The following CALCR variants were observed in gnomAD, a reference collection of about 807,000 sequenced individuals.
The protein encoded by CALCR is calcitonin receptor.
CALCR carries 47 observed loss-of-function variants against 59.5 expected under a neutral mutation model. The observed-to-expected ratio is 0.79, with a 90% CI of 0.63 to 1.01. CALCR has a LOEUF of 1.01. CALCR is among the 50% of genes least tolerant of loss of function. The pLI, the probability that CALCR is intolerant of heterozygous loss-of-function variation, is 0.00. For synonymous variants in CALCR, 213 were observed against 211.3 expected (o/e 1.01, Z -0.07); for missense variants, 566 against 597.1 (o/e 0.95, Z 0.54).
chr7:93,548,525 C>T (rs1462942856), intron 2 of CALCR, among the ~76,000 whole-genome samples: 1 of 151,958 alleles, frequency 6.6e-6, no homozygotes, highest in African/African-American at 2.4e-5. Context: ...CCAATTTCAC[C>T]TACTTTTAAA....
rs746224953 is a variant in CALCR, at chr7:93,564,521, C to T, written c.-27+9768G>A. 8.5e-5 allele frequency among the ~76,000 whole-genome samples: 13 copies of T among 152,098 alleles called. No individual in the cohort carries two copies. The South Asian group carries it at 1.0e-3, about 12-fold the overall frequency. ...AGGATGGAGTGCAATGGCACTATCT[C>T]GGCTCACTGCAACCTCTGCCTCCCG... On this transcript the variant is annotated intron_variant, in intron 2 of 13. Transcript: ENST00000426151.
intron 2 of CALCR, among the ~76,000 whole-genome samples, chr7:93,525,036 T>G (rs1801847849): frequency 6.6e-6 from 1 of 152,186 alleles, no homozygotes; most frequent in Non-Finnish European, 1.5e-5. Context: ...TACAAAATAC[T>G]TCATAATTAT....
intron 2 of CALCR, among the ~76,000 whole-genome samples, chr7:93,538,857 T>C (rs1389544535): frequency 1.3e-5 from 2 of 152,090 alleles, no homozygotes; most frequent in African/African-American, 4.8e-5. Context: ...TCCCCTGAGA[T>C]ATGAGTTGAA....
At chr7:93,514,253 C>A (rs1399590177) in intron 2 of CALCR, among the ~76,000 whole-genome samples, 2 of 151,918 alleles carry the variant, frequency 1.3e-5, no homozygotes, top group Non-Finnish European at 2.9e-5. Context: ...ATTTTGGTTA[C>A]TATATGCTAT....
At chr7:93,561,195 C>G (rs1176103593) in intron 2 of CALCR, among the ~76,000 whole-genome samples, 1 of 152,126 alleles carries the variant, frequency 6.6e-6, no homozygotes, top group Non-Finnish European at 1.5e-5. Context: ...TGTGTAAGCA[C>G]TTAGTAGGTT....
intron 9 of CALCR, among the ~76,000 whole-genome samples, 165 bp from the exon 10 acceptor site, chr7:93,438,435 T>C (rs1799830441): frequency 6.6e-6 from 1 of 152,198 alleles, no homozygotes; most frequent in Admixed American, 6.5e-5. Context: ...GTCAAGCCAG[T>C]CAAAATGCTC....
intron 6 of CALCR, among the ~76,000 whole-genome samples, chr7:93,470,812 A>C (rs1379026181): frequency 6.6e-6 from 1 of 151,606 alleles, no homozygotes; most frequent in Non-Finnish European, 1.5e-5. Flanking sequence ...TTTAGGGTAC[A>C]TGTGCACAAT....
intron 2 of CALCR, among the ~76,000 whole-genome samples, chr7:93,568,472 T>C (rs1789916598): frequency 6.7e-6 from 1 of 149,472 alleles, no homozygotes; most frequent in African/African-American, 2.5e-5. Context: ...CCCGCATGAG[T>C]GCTCGCTTTC....
intron 8 of CALCR, among the ~76,000 whole-genome samples, chr7:93,449,340 A>G (rs1465110199): frequency 6.6e-6 from 1 of 152,104 alleles, no homozygotes; most frequent in African/African-American, 2.4e-5. Flanking sequence ...AGACATTTTA[A>G]GAGAGACTGA....
At chr7:93,527,017 T>C (rs992617690) in intron 2 of CALCR, among the ~76,000 whole-genome samples, 1 of 152,054 alleles carries the variant, frequency 6.6e-6, no homozygotes, top group Non-Finnish European at 1.5e-5. Context: ...GTCTATTTTT[T>C]TCTTCATACC....
intron 9 of CALCR, among the ~76,000 whole-genome samples, chr7:93,441,921 T>G (rs935008046): frequency 1.3e-5 from 2 of 152,116 alleles, no homozygotes; most frequent in African/African-American, 4.8e-5. Flanking sequence ...TTCAGTTGGA[T>G]CAATCAGATT....
At chr7:93,483,427 AG>A (rs1800847247) in intron 3 of CALCR, among the ~76,000 whole-genome samples, 1 of 134,612 alleles carries the variant, frequency 7.4e-6, no homozygotes, top group Non-Finnish European at 1.5e-5. Context: ...ATAGATAGAT[AG>A]ATAGATAGAT....
intron 2 of CALCR, among the ~76,000 whole-genome samples, chr7:93,556,964 A>G (rs1789623268): frequency 6.6e-6 from 1 of 152,106 alleles, no homozygotes; most frequent in Non-Finnish European, 1.5e-5. Flanking sequence ...AATTTTCACA[A>G]GTAATACTAA....
chr7:93,563,992 T>C (rs1035765970), intron 2 of CALCR, among the ~76,000 whole-genome samples: 10 of 152,324 alleles, frequency 6.6e-5, no homozygotes, highest in Admixed American at 2.6e-4. Context: ...TAGTAAGTAC[T>C]ATGTGTTAGC....
At chr7:93,427,185 T>A (rs1321683057) in intron 13 of CALCR, among the ~76,000 whole-genome samples, 3 of 152,232 alleles carry the variant, frequency 2.0e-5, no homozygotes, top group Non-Finnish European at 2.9e-5. Flanking sequence ...CTTGCCAGAC[T>A]TGTTTTATAA....
At chr7:93,451,317 C>A (rs1011969757) in intron 8 of CALCR, among the ~76,000 whole-genome samples, 3 of 151,938 alleles carry the variant, frequency 2.0e-5, no homozygotes, top group Non-Finnish European at 4.4e-5. Flanking sequence ...TATTTATCAG[C>A]CAAATTCAAT....
At chr7:93,567,111 T>C (rs532148174) in intron 2 of CALCR, among the ~76,000 whole-genome samples, 236 of 152,302 alleles carry the variant, frequency 1.5e-3, no homozygotes, top group African/African-American at 4.2e-3. Context: ...TGAATATGTG[T>C]GCTATGTTTT....
At chr7:93,540,494 G>A (rs1264385950) in intron 2 of CALCR, among the ~76,000 whole-genome samples, 1 of 151,874 alleles carries the variant, frequency 6.6e-6, no homozygotes, top group African/African-American at 2.4e-5. Context: ...AACTCCCTGT[G>A]TTTCTTTATT....
intron 13 of CALCR, among the ~76,000 whole-genome samples, chr7:93,429,669 G>A (rs531965325): frequency 1.3e-5 from 2 of 151,986 alleles, no homozygotes; most frequent in Middle Eastern, 3.4e-3. Context: ...TTTGTCTTTT[G>A]CCTTTCTTTT....
Sources: allele counts gnomAD v4.1 joint callset (sites outside exome capture counted in the v4.1 genomes callset), GRCh38; gene constraint gnomAD v4.1.1; transcripts MANE v1.5; gene names NCBI Gene and HGNC (gene_info 2026-07-23, HGNC 2026-07-21).